TTLL5: variants seen among roughly 807,000 people sequenced by gnomAD.
The protein encoded by TTLL5 is tubulin polyglutamylase TTLL5.
A neutral mutation model predicts 168.4 loss-of-function variants in TTLL5; 132 were observed. The ratio of observed to expected loss-of-function variants is 0.78; its 90% CI spans 0.68 to 0.91. The LOEUF (loss-of-function observed/expected upper bound fraction) is 0.91. TTLL5 is among the 40% of genes least tolerant of loss of function. The pLI, the probability that TTLL5 is intolerant of heterozygous loss-of-function variation, is 0.00. For synonymous variants in TTLL5, 546 were observed against 558.6 expected (o/e 0.98, Z 0.32); for missense variants, 1,545 against 1,581.5 (o/e 0.98, Z 0.39).
At chr14:75,689,383 T>C (rs1885289456) in intron 5 of TTLL5, 1 of 152,216 alleles carries the variant, frequency 6.6e-6, no homozygotes, top group Non-Finnish European at 1.5e-5. Flanking sequence ...TATATACTGT[T>C]ATTTTAAGCT....
rs147892050 is a variant in TTLL5, at chr14:75,742,238, ATGTT to A, written c.1282-2851_1282-2848del. On this transcript the variant is annotated intron_variant, in intron 15 of 31. Transcript: ENST00000298832. ...TATTTTTATTATATCATTTAAATGAATGTTTGTTTCTTACTCTCTCTTTACGTAA... is the reference window on the plus strand; with the variant it reads ...TATTTTTATTATATCATTTAAATGAATGTTTCTTACTCTCTCTTTACGTAA... Among the ~76,000 whole-genome samples the A allele has an allele frequency of 4.2e-3, 632 of 152,250 alleles. 19 individuals are homozygous for A. In the East Asian group the frequency reaches 0.083, roughly 20 times the overall value.
At chr14:75,715,081 T>C (rs573257543) in intron 9 of TTLL5, among the ~76,000 whole-genome samples, 1 of 152,258 alleles carries the variant, frequency 6.6e-6, no homozygotes, top group African/African-American at 2.4e-5. Flanking sequence ...TGGCTCGCAG[T>C]ATCTTTAACA....
chr14:75,906,417 T>C (rs2033150529), intron 31 of TTLL5: 1 of 632,910 alleles, frequency 1.6e-6, no homozygotes, highest in African/African-American at 2.0e-5. Context: ...AGACTGTGAA[T>C]TGGAATTTGA....
At chr14:75,723,212 C>T (rs2140211405) in intron 12 of TTLL5, among the ~76,000 whole-genome samples, 1 of 152,280 alleles carries the variant, frequency 6.6e-6, no homozygotes, top group African/African-American at 2.4e-5. Flanking sequence ...GCCTCAGCCT[C>T]CCGAGTAGCT....
chr14:75,800,500 C>T (rs1412707657), intron 27 of TTLL5, among the ~76,000 whole-genome samples: 1 of 152,038 alleles, frequency 6.6e-6, no homozygotes, highest in East Asian at 1.9e-4. Flanking sequence ...TCTTTGGATC[C>T]GTTGCTAGTG....
intron 31 of TTLL5, among the ~76,000 whole-genome samples, chr14:75,910,560 A>G (rs2033334555): frequency 6.6e-6 from 1 of 152,210 alleles, no homozygotes; most frequent in African/African-American, 2.4e-5. Flanking sequence ...TTGTCCTCAT[A>G]TCCTCAGGGC....
chr14:75,726,515 T>C (rs926400923), intron 12 of TTLL5, among the ~76,000 whole-genome samples: 1 of 152,132 alleles, frequency 6.6e-6, no homozygotes, highest in African/African-American at 2.4e-5. Context: ...CCTCAAGTGA[T>C]AGGGAGGAGC....
At chr14:75,763,255 C>CTGTGTGTGTGTGTGTG (rs60621403) in intron 18 of TTLL5, among the ~76,000 whole-genome samples, 3 of 58,516 alleles carry the variant, frequency 5.1e-5, no homozygotes, top group Non-Finnish European at 1.3e-4. Context: ...AGCTCTCTCT[C>CTGTGTGTGTGTGTGTG]TGTGTGTGTG....
chr14:75,701,329 C>G (rs1321893589), intron 7 of TTLL5, among the ~76,000 whole-genome samples: 2 of 152,162 alleles, frequency 1.3e-5, no homozygotes, highest in Non-Finnish European at 2.9e-5. Flanking sequence ...ATTTTCTCAG[C>G]TTTGATGATC....
chr14:75,894,422 G>A (rs1271513475), intron 30 of TTLL5, among the ~76,000 whole-genome samples: 2 of 152,064 alleles, frequency 1.3e-5, no homozygotes, highest in African/African-American at 4.8e-5. Context: ...GCGTTATGGC[G>A]CATGCCTGTA....
At chr14:75,749,926 T>G (rs2140269342) in intron 17 of TTLL5, among the ~76,000 whole-genome samples, 1 of 152,312 alleles carries the variant, frequency 6.6e-6, no homozygotes, top group South Asian at 2.1e-4. Flanking sequence ...ACACATATAA[T>G]AAGAATAGCT....
At position 75,720,628 on chromosome 14, in the gene TTLL5, A is replaced by C. The variant is rs375373706; in HGVS notation, c.967A>C (p.Lys323Gln). 1.1e-5 allele frequency: 18 copies of C among 1,613,562 alleles called. No individual in the cohort carries two copies. Among genetic ancestry groups the C allele is most frequent in the Non-Finnish European group, 1.5e-5 (18 of 1,179,662 alleles). The change falls in exon 12 of 32, where the codon AAG (lysine) becomes CAG (glutamine). Residue 323 changes from lysine (K) to glutamine (Q), a missense_variant. By Grantham distance (53) the Lys-to-Gln change is moderately conservative (BLOSUM62 1). Coordinates refer to ENST00000298832, the MANE Select transcript of TTLL5 (RefSeq NM_015072.5). ...GGCCCATGTAGAAGACCTGATCATT[A>C]AGACTATAATCTCTGCTGAACTAGC... ...LMAHVEDLIIKTIISAELAIA... is the reference protein window; with the variant it reads ...LMAHVEDLIIQTIISAELAIA...
intron 30 of TTLL5, among the ~76,000 whole-genome samples, chr14:75,884,647 C>A (rs1415557924): frequency 1.3e-5 from 2 of 152,130 alleles, no homozygotes; most frequent in African/African-American, 4.8e-5. Context: ...AGGCGTTGTT[C>A]CAGGAAATAG....
At chr14:75,904,195 A>G in intron 31 of TTLL5, 1 of 1,163,008 alleles carries the variant, frequency 8.6e-7, no homozygotes. Context: ...TATTCACCTC[A>G]CTCCTCCAAA....
At chr14:75,841,574 TA>T (rs1437156851) in intron 28 of TTLL5, among the ~76,000 whole-genome samples, 1 of 152,194 alleles carries the variant, frequency 6.6e-6, no homozygotes, top group East Asian at 1.9e-4. Context: ...TCTACTTCCC[TA>T]AGTCTGACTT....
Position 75,681,579 on chromosome 14 carries a change from G to A in TTLL5, c.216G>A (p.Thr72=), listed in dbSNP as rs936704237. Residue 72 remains threonine (T), a synonymous_variant, in exon 4 of 32, where the codon ACG becomes ACA. Coordinates refer to ENST00000298832, the MANE Select transcript of TTLL5 (RefSeq NM_015072.5). ...ATTTGTCTTATAAGATTGTACGAAC[G>A]GACAGTCGCCTAGTACGCAGCATTC... ...RYHLSYKIVR[T]DSRLVRSILT... is the part of the protein sequence containing the mutation. The A allele has an allele frequency of 2.5e-6, 4 of 1,613,144 alleles. No individual in the cohort carries two copies. The highest frequency in any genetic ancestry group is 2.2e-5 in the East Asian group (1 of 44,880).
intron 12 of TTLL5, among the ~76,000 whole-genome samples, chr14:75,722,022 TG>T (rs1245227372): frequency 6.6e-6 from 1 of 152,246 alleles, no homozygotes; most frequent in African/African-American, 2.4e-5. Context: ...AAACTTGATA[TG>T]ACCTGAAAGG....
intron 27 of TTLL5, chr14:75,814,686 T>C (rs1894280846): frequency 6.6e-6 from 1 of 152,228 alleles, no homozygotes; most frequent in African/African-American, 2.4e-5. Flanking sequence ...CCAGAGGTTT[T>C]CTTACTTAAT....
At position 75,799,936 on chromosome 14, in the gene TTLL5, A is replaced by G. The variant is rs114211772; in HGVS notation, c.3171+6836A>G. On this transcript the variant is annotated intron_variant, in intron 27 of 31. Transcript: ENST00000298832. Reference sequence around the variant, plus strand: ...CTTGACTTTAGATAACCTGATGACTATGTGTCTAAGTGATTATCTTTTTGC... The same window carrying G: ...CTTGACTTTAGATAACCTGATGACTGTGTGTCTAAGTGATTATCTTTTTGC... Among the ~76,000 whole-genome samples the G allele has an allele frequency of 8.7e-3, 1,332 of 152,260 alleles. 17 individuals carry two copies. Among genetic ancestry groups the G allele is most frequent in the African/African-American group, 0.03 (1,232 of 41,550 alleles).
Sources: allele counts gnomAD v4.1 joint callset (sites outside exome capture counted in the v4.1 genomes callset), GRCh38; gene constraint gnomAD v4.1.1; transcripts MANE v1.5; gene names NCBI Gene and HGNC (gene_info 2026-07-23, HGNC 2026-07-21).